Variants in FOXP2 observed in about 807,000 individuals in gnomAD.
The protein encoded by FOXP2 is forkhead box P2, also known as forkhead box protein P2.
FOXP2 carries 12 observed loss-of-function variants against 115.8 expected under a neutral mutation model. That is an observed-to-expected ratio of 0.10 (90% CI 0.07 to 0.17). FOXP2 has a LOEUF of 0.17. Ranked by LOEUF, FOXP2 falls within the 10% of genes least tolerant of loss-of-function variation. FOXP2 has a pLI of 1.00. For synonymous variants in FOXP2, 328 were observed against 297.7 expected (o/e 1.10, Z -1.05); for missense variants, 629 against 843.5 (o/e 0.75, Z 3.15).
At chr7:114,535,929 C>T (rs1011394378) in intron 3 of FOXP2, among the ~76,000 whole-genome samples, 21 of 151,334 alleles carry the variant, frequency 1.4e-4, no homozygotes, top group African/African-American at 5.1e-4. Flanking sequence ...ACTTCACATT[C>T]CTTTGTTTTA....
intron 1 of FOXP2, among the ~76,000 whole-genome samples, chr7:114,261,576 C>G (rs2129171353): frequency 1.3e-5 from 2 of 152,226 alleles, no homozygotes; most frequent in African/African-American, 4.8e-5. Context: ...CTTGCCTCTG[C>G]TACAGTGTGA....
At position 114,652,706 on chromosome 7, in the gene FOXP2, T is replaced by G. The variant is rs73440426; in HGVS notation, c.1182+416T>G. Among the ~76,000 whole-genome samples, 683 of 152,226 alleles carry G rather than the reference T, an allele frequency of 4.5e-3. 3 individuals carry two copies. Among genetic ancestry groups the G allele is most frequent in the African/African-American group, 0.016 (655 of 41,560 alleles). On this transcript the variant is annotated intron_variant, in intron 9 of 16. Coordinates refer to ENST00000350908, the MANE Select transcript of FOXP2 (RefSeq NM_014491.4). Reference sequence around the variant, plus strand: ...AGTCTTTACAATATCATGCCTGTAATATAACTAACACCCTGAAAGATAACC... The same window carrying G: ...AGTCTTTACAATATCATGCCTGTAAGATAACTAACACCCTGAAAGATAACC...
Position 114,628,653 on chromosome 7 carries a change from A to G in FOXP2, c.372A>G (p.Gln124=), listed in dbSNP as rs80073025. The G allele has an allele frequency of 4.9e-5, 79 of 1,613,922 alleles. No homozygotes were observed. In the African/African-American group the frequency reaches 1.0e-3, roughly 21 times the overall value. ...AGCAGCTACAAGCCCTTCTCCAACA[A>G]CAGCAGGCTGTCATGCTGCAGCAGG... ...SPQQLQALLQ[Q]QQAVMLQQQQ... is the part of the protein sequence containing the mutation. Residue 124 remains glutamine, a synonymous_variant, in exon 4 of 17, where the codon CAA becomes CAG. Coordinates refer to ENST00000350908, the MANE Select transcript of FOXP2 (RefSeq NM_014491.4).
At chr7:114,384,875 T>G (rs1446448069) in intron 2 of FOXP2, among the ~76,000 whole-genome samples, 1 of 152,038 alleles carries the variant, frequency 6.6e-6, no homozygotes, top group Non-Finnish European at 1.5e-5. Context: ...CCTTGGTTAC[T>G]GGGTTAAGGA....
At chr7:114,312,797 A>G (rs1292766253) in intron 2 of FOXP2, among the ~76,000 whole-genome samples, 1 of 152,188 alleles carries the variant, frequency 6.6e-6, no homozygotes, top group East Asian at 1.9e-4. Context: ...CTTTGTAGCA[A>G]GCAGTAAGCT....
intron 2 of FOXP2, among the ~76,000 whole-genome samples, chr7:114,439,161 T>G (rs1315469531): frequency 6.6e-6 from 1 of 152,198 alleles, no homozygotes; most frequent in Non-Finnish European, 1.5e-5. Context: ...AAGATGACCT[T>G]GGATAAGGAA....
intron 3 of FOXP2, among the ~76,000 whole-genome samples, chr7:114,597,011 A>G (rs1052219390): frequency 3.3e-5 from 5 of 152,132 alleles, no homozygotes; most frequent in African/African-American, 9.7e-5. Context: ...AAAATAATTC[A>G]GAATTATTAT....
intron 2 of FOXP2, among the ~76,000 whole-genome samples, chr7:114,352,926 G>T (rs753891507): frequency 6.6e-6 from 1 of 152,004 alleles, no homozygotes; most frequent in Non-Finnish European, 1.5e-5. Context: ...AGTCTAATTT[G>T]ACGGACCAGG....
intron 2 of FOXP2, among the ~76,000 whole-genome samples, chr7:114,354,757 T>C (rs1182777872): frequency 1.3e-5 from 2 of 152,188 alleles, no homozygotes; most frequent in Non-Finnish European, 2.9e-5. Context: ...TGCTCAGTTG[T>C]TTTTAATCTG....
rs570786778 is a variant in FOXP2 at position 114,137,867 on chromosome 7, T to C, written c.-246-25077T>C. Among the ~76,000 whole-genome samples the C allele has an allele frequency of 1.2e-4, 18 of 152,138 alleles. 1 individual carries two copies. The highest frequency in any genetic ancestry group is 4.3e-4 in the African/African-American group (18 of 41,526). ...TAGTATACATACATGTATTTCCTTG[T>C]CCTGCCAACTGAGAGGGCCTAGAAG... On this transcript the variant is annotated intron_variant, in intron 1 of 19. Coordinates refer to the FOXP2 transcript ENST00000635638.
At chr7:114,279,577 A>G (rs139625924) in intron 1 of FOXP2, among the ~76,000 whole-genome samples, 1 of 152,276 alleles carries the variant, frequency 6.6e-6, no homozygotes, top group African/African-American at 2.4e-5. Flanking sequence ...GTGGCTGCAT[A>G]GTCATTTTCA....
intron 1 of FOXP2, among the ~76,000 whole-genome samples, chr7:114,098,166 C>A (rs867702041): frequency 6.6e-6 from 1 of 151,918 alleles, no homozygotes; most frequent in African/African-American, 2.4e-5. Context: ...ACCGGGGAGA[C>A]GATAAGCCTG....
chr7:114,336,046 A>G (rs1395812877), intron 2 of FOXP2, among the ~76,000 whole-genome samples: 1 of 151,764 alleles, frequency 6.6e-6, no homozygotes, highest in Admixed American at 6.6e-5. Flanking sequence ...AGTGTGGTAA[A>G]AAAGATACAA....
chr7:114,238,736 C>T (rs62469201), intron 1 of FOXP2, among the ~76,000 whole-genome samples: 11,423 of 151,734 alleles, frequency 0.075, 633 homozygotes, highest in African/African-American at 0.16. Context: ...CATGCCACTG[C>T]ACTCCAGCCT....
chr7:114,281,054 T>G (rs1796322924), intron 1 of FOXP2, among the ~76,000 whole-genome samples: 1 of 151,788 alleles, frequency 6.6e-6, no homozygotes, highest in Admixed American at 6.6e-5. Context: ...GTTTAGTAAT[T>G]GCAATGACTG....
At chr7:114,366,369 GATC>G (rs1275014153) in intron 2 of FOXP2, 2 of 152,094 alleles carry the variant, frequency 1.3e-5, no homozygotes, top group African/African-American at 2.4e-5. Context: ...GTAAACGATG[GATC>G]ATAATTAATG....
chr7:114,505,445 T>C (rs947392160), intron 2 of FOXP2, among the ~76,000 whole-genome samples: 6 of 151,512 alleles, frequency 4.0e-5, no homozygotes. Flanking sequence ...TTGCACTCAT[T>C]CCTTTTAATT....
At position 114,529,081 on chromosome 7, in the gene FOXP2, G is replaced by A. The variant is rs182670773; in HGVS notation, c.169-5536G>A. Among the ~76,000 whole-genome samples, 44 of 151,886 alleles carry A rather than the reference G, an allele frequency of 2.9e-4. No homozygotes were observed. The South Asian group carries it at 6.6e-3, about 23-fold the overall frequency. The stretch of plus-strand genomic sequence containing the variant: ...TTACATTAGCAATTTATTACCATTA[G>A]CAATAGAATAGTGAAGAACATAGAG... On this transcript the variant is annotated intron_variant, in intron 2 of 16. Transcript: ENST00000350908.
intron 2 of FOXP2, among the ~76,000 whole-genome samples, chr7:114,368,130 A>G (rs572044248): frequency 3.7e-4 from 57 of 152,280 alleles, no homozygotes; most frequent in African/African-American, 1.2e-3. Context: ...TTTAGTTGCA[A>G]TGGTACCCTC....
Sources: gnomAD v4.1 joint callset for allele counts (sites outside exome capture counted in the v4.1 genomes callset) on GRCh38, gnomAD v4.1.1 for gene constraint, MANE v1.5 for transcripts, NCBI Gene and HGNC (gene_info 2026-07-23, HGNC 2026-07-21) for gene names.